EMC1: variants seen among roughly 807,000 people sequenced by gnomAD.
EMC1 encodes the protein ER membrane protein complex subunit 1.
EMC1 carries 103 observed loss-of-function variants against 128.8 expected under a neutral mutation model. The observed-to-expected ratio is 0.80, with a 90% CI of 0.68 to 0.94. The LOEUF (loss-of-function observed/expected upper bound fraction) is 0.94, where lower values mean the gene tolerates loss of function less well. Among genes scored for constraint, EMC1 ranks in the 40% least tolerant of loss-of-function variants. The pLI, the probability that EMC1 is intolerant of heterozygous loss-of-function variation, is 0.00. For synonymous variants in EMC1, 442 were observed against 490.4 expected (o/e 0.90, Z 1.30); for missense variants, 1,083 against 1,250.6 (o/e 0.87, Z 2.02).
intron 7 of EMC1, 153 bp downstream of exon 7, chr1:19,240,144 T>C (rs1172472447): frequency 2.5e-6 from 3 of 1,192,960 alleles, no homozygotes; most frequent in Non-Finnish European, 3.5e-6. Flanking sequence ...GGAAAGTGAC[T>C]GATTTCCTCT....
rs1240204274 is a variant in EMC1, at chr1:19,251,495, C to G, written c.15G>C (p.Trp5Cys). ...TAGCCCAAAGCCAGAAACGAGAAGC[C>G]CACTCAGCCGCCATGATGCGAGCGC... MAAE[W>C]ASRFWLWATL... Residue 5 changes from tryptophan to cysteine, a missense_variant, in exon 1 of 23, where the codon TGG (tryptophan) becomes TGC (cysteine). Physicochemically the swap from Trp to Cys is radical, Grantham distance 215 (BLOSUM62 -2). This residue lies in a region of EMC1 where 544 missense variants were observed against 572.4 expected (regional missense o/e 0.95). Coordinates refer to ENST00000477853, the MANE Select transcript of EMC1 (RefSeq NM_015047.3). The G allele has an allele frequency of 2.5e-6, 4 of 1,614,134 alleles. No individual in the cohort carries two copies. The South Asian group carries it at 4.4e-5, about 18-fold the overall frequency.
chr1:19,235,296 A>G (rs576117259), intron 12 of EMC1, 44 bp from the exon 13 acceptor site: 26 of 1,588,712 alleles, frequency 1.6e-5, no homozygotes, highest in Admixed American at 1.0e-4. Context: ...GGCTGGGCAC[A>G]GTGGCTCATG....
rs930892196 is a variant in EMC1 at position 19,230,709 on chromosome 1, CTT to C, written c.2064+133_2064+134del. On this transcript the variant is annotated intron_variant, in intron 17 of 22. Transcript: ENST00000477853. ...CCAACAAATATGAACAAATGATTGA[CTT>C]TGTATCAGACATCAGGATTATGCTA... 3 of 1,186,908 alleles carry C rather than the reference CTT, an allele frequency of 2.5e-6. No individual in the cohort carries two copies. In the African/African-American group the frequency reaches 4.6e-5, roughly 18 times the overall value. 73.5% of individuals were successfully genotyped at this position (1,186,908 alleles called of 1,614,324 possible). A position where few individuals can be genotyped will look rare whatever the true frequency, so the allele number is the denominator to read the frequency against.
chr1:19,228,692 C>A (rs1280096102), intron 17 of EMC1, among the ~76,000 whole-genome samples: 1 of 151,830 alleles, frequency 6.6e-6, no homozygotes, highest in Non-Finnish European at 1.5e-5. Context: ...GGTAGAAAAC[C>A]CATTAAATGA....
intron 20 of EMC1, chr1:19,221,635 C>CAA (rs34802728): frequency 0.13 from 8,883 of 66,044 alleles, 470 homozygotes; most frequent in Non-Finnish European, 0.19. Context: ...GACTCTGTCT[C>CAA]AAAAAAAAAA....
chr1:19,231,476 G>A (rs2093521466), intron 15 of EMC1, 54 bp from the exon 16 acceptor site: 4 of 1,555,946 alleles, frequency 2.6e-6, no homozygotes, highest in African/African-American at 1.4e-5. Context: ...GCAAATCCTA[G>A]GGATAGACCT....
Position 19,239,095 on chromosome 1 carries a change from C to A in EMC1, c.1026+136G>T, listed in dbSNP as rs1340243572. The A allele has an allele frequency of 1.4e-5, 11 of 804,418 alleles. 1 individual carries two copies. The South Asian group carries it at 1.7e-4, about 13-fold the overall frequency. 49.8% of individuals were successfully genotyped at this position (804,418 alleles called of 1,614,324 possible). A position where few individuals can be genotyped will look rare whatever the true frequency, so the allele number is the denominator to read the frequency against. ...AGAAAGCTCTATAGTTGAGGCAAGA[C>A]CTCACTTCTCAACAGCCTCCTGCCC... On this transcript the variant is annotated intron_variant, in intron 9 of 22. Coordinates refer to ENST00000477853, the MANE Select transcript of EMC1 (RefSeq NM_015047.3).
chr1:19,243,882 G>T (rs975982171), intron 3 of EMC1, 68 bp downstream of exon 3: 1 of 1,563,614 alleles, frequency 6.4e-7, no homozygotes, highest in Non-Finnish European at 8.8e-7. Context: ...ACCCTGTACA[G>T]ATCAAGGAGC....
At chr1:19,235,640 G>T (rs975427663) in intron 12 of EMC1, among the ~76,000 whole-genome samples, 11 of 152,154 alleles carry the variant, frequency 7.2e-5, no homozygotes, top group African/African-American at 2.7e-4. Flanking sequence ...GGTGGAGGTT[G>T]CAGTGAGCCG....
chr1:19,246,497 TCTC>T (rs2093632708), intron 1 of EMC1, among the ~76,000 whole-genome samples: 1 of 151,768 alleles, frequency 6.6e-6, no homozygotes, highest in African/African-American at 2.4e-5. Context: ...AATTTAAAAA[TCTC>T]CACCAGGCAC....
chr1:19,242,607 A>G lies in EMC1; in HGVS notation c.381-134T>C, dbSNP rs1179908059. Reference sequence around the variant, plus strand: ...TGGGGTCAAACACAGCTGGATCCTAACCCTGGCTCTGCCTCTTGTTAGTCA... The same window carrying G: ...TGGGGTCAAACACAGCTGGATCCTAGCCCTGGCTCTGCCTCTTGTTAGTCA... On this transcript the variant is annotated intron_variant, in intron 4 of 22. Coordinates refer to ENST00000477853, the MANE Select transcript of EMC1 (RefSeq NM_015047.3). 3.3e-6 allele frequency: 3 copies of G among 921,888 alleles called. No homozygotes were observed. The African/African-American group carries it at 5.1e-5, about 16-fold the overall frequency. The allele number at this position is 921,888 out of a possible 1,614,324, so 57.1% of individuals were successfully genotyped here. A position where few individuals can be genotyped will look rare whatever the true frequency, so the allele number is the denominator to read the frequency against.
intron 1 of EMC1, among the ~76,000 whole-genome samples, chr1:19,246,543 A>G (rs2093632818): frequency 6.6e-6 from 1 of 151,988 alleles, no homozygotes; most frequent in South Asian, 2.1e-4. Context: ...AGCACTTTGG[A>G]AGGTCCAGGC....
intron 9 of EMC1, 28 bp downstream of exon 9, chr1:19,239,203 A>C (rs1364991319): frequency 6.2e-7 from 1 of 1,601,362 alleles, no homozygotes; most frequent in Non-Finnish European, 8.6e-7. Context: ...GAAAATCCCA[A>C]GTGCTGACTG....
At chr1:19,244,822 T>C in intron 2 of EMC1, 84 bp downstream of exon 2, 1 of 1,533,708 alleles carries the variant, frequency 6.5e-7, no homozygotes, top group East Asian at 2.3e-5. Context: ...ATGTTCCTTA[T>C]TCAGGAATCA....
In EMC1 at chr1:19,219,279, A is replaced by G. The variant is rs1340545967; in HGVS notation, c.*24T>C. ...CTGACCCACACTCCCCTGGCTCTCC[A>G]CTTTTAGGCACAGTCTTTGTTCTTT... On this transcript the variant is annotated 3_prime_UTR_variant, in exon 23 of 23. Coordinates refer to ENST00000477853, the MANE Select transcript of EMC1 (RefSeq NM_015047.3). 5.6e-6 allele frequency: 9 copies of G among 1,613,224 alleles called. No individual in the cohort carries two copies. The highest frequency in any genetic ancestry group is 2.2e-5 in the East Asian group (1 of 44,882).
At chr1:19,220,608 C>A (rs2093424211) in intron 21 of EMC1, 156 bp downstream of exon 21, 1 of 526,052 alleles carries the variant, frequency 1.9e-6, no homozygotes, top group Non-Finnish European at 3.4e-6. Context: ...AGACTGTAAG[C>A]TCCATGAGGG....
In EMC1 at chr1:19,249,474, A is replaced by G. The variant is rs565690426; in HGVS notation, c.95+1941T>C. Among the ~76,000 whole-genome samples the G allele has an allele frequency of 5.9e-5, 9 of 152,330 alleles. 1 individual carries two copies. The South Asian group carries it at 1.9e-3, about 32-fold the overall frequency. On this transcript the variant is annotated intron_variant, in intron 1 of 22. Coordinates refer to ENST00000477853, the MANE Select transcript of EMC1 (RefSeq NM_015047.3). The stretch of plus-strand genomic sequence containing the variant: ...ATGCCGTACAGGTTTGTAGCCTAGG[A>G]AGAATAGGCTGTACCATATAGCCTA...
At chr1:19,224,290 A>G (rs1377070980) in intron 18 of EMC1, among the ~76,000 whole-genome samples, 3 of 152,186 alleles carry the variant, frequency 2.0e-5, no homozygotes, top group Non-Finnish European at 4.4e-5. Context: ...GCAATGCCCA[A>G]TGTATATATC....
chr1:19,248,603 A>T (rs937699621), intron 1 of EMC1, among the ~76,000 whole-genome samples: 2 of 151,916 alleles, frequency 1.3e-5, no homozygotes, highest in African/African-American at 4.8e-5. Context: ...TATTTTTAGG[A>T]GAGACGGGGT....
Sources: allele counts gnomAD v4.1 joint callset (sites outside exome capture counted in the v4.1 genomes callset), GRCh38; gene constraint gnomAD v4.1.1; regional missense constraint gnomAD v4.1.1; transcripts MANE v1.5; gene names NCBI Gene and HGNC (gene_info 2026-07-23, HGNC 2026-07-21).